Variants in CERKL observed in about 807,000 individuals in gnomAD.
The protein encoded by CERKL is CERK like autophagy regulator.
In CERKL, 61 loss-of-function variants were observed where a neutral mutation model predicts 63.4. The observed-to-expected ratio is 0.96, with a 90% CI of 0.78 to 1.19. CERKL has a LOEUF of 1.19. Ranked by LOEUF, CERKL falls within the 50% of genes most tolerant of loss-of-function variation. The pLI, the probability that CERKL is intolerant of heterozygous loss-of-function variation, is 0.00. For missense variants in CERKL, 675 were observed against 655.5 expected (o/e 1.03, Z -0.33); for synonymous variants, 250 against 230.5 (o/e 1.08, Z -0.77).
rs1364208893 is a variant in CERKL, at chr2:181,611,326, A to T, written c.239-7247T>A. Among the ~76,000 whole-genome samples the T allele has an allele frequency of 3.9e-5, 6 of 151,916 alleles. 1 individual carries two copies. Among genetic ancestry groups the T allele is most frequent in the Admixed American group, 3.3e-4 (5 of 15,254 alleles). ...ACAATAATGGAGTATTGGTTTTGTTAAAAAAAAGTATATTCATATAACAGA... is the reference window on the plus strand; with the variant it reads ...ACAATAATGGAGTATTGGTTTTGTTTAAAAAAAGTATATTCATATAACAGA... On this transcript the variant is annotated intron_variant, in intron 1 of 12. Transcript: ENST00000410087.
intron 3 of CERKL, among the ~76,000 whole-genome samples, chr2:181,572,100 T>C (rs1027370360): frequency 5.9e-5 from 9 of 152,062 alleles, no homozygotes; most frequent in Non-Finnish European, 1.3e-4. Flanking sequence ...CTCTCTCACA[T>C]ACACACACTC....
chr2:181,621,659 C>T (rs2053471), intron 1 of CERKL, among the ~76,000 whole-genome samples: 33,581 of 151,996 alleles, frequency 0.22, 6,715 homozygotes, highest in African/African-American at 0.54. Context: ...GAAGCCAAAA[C>T]TAAAGGTGAA....
intron 1 of CERKL, among the ~76,000 whole-genome samples, chr2:181,640,652 A>G (rs945860021): frequency 6.6e-6 from 1 of 152,214 alleles, no homozygotes; most frequent in Non-Finnish European, 1.5e-5. Flanking sequence ...GTACAAAAAC[A>G]TCCAGTCTAG....
At chr2:181,622,871 T>C (rs1268203168) in intron 1 of CERKL, among the ~76,000 whole-genome samples, 1 of 152,212 alleles carries the variant, frequency 6.6e-6, no homozygotes, top group African/African-American at 2.4e-5. Flanking sequence ...AGGAAAATGA[T>C]TTCTGGAAAC....
chr2:181,610,694 T>C (rs1050701878), intron 1 of CERKL, among the ~76,000 whole-genome samples: 2 of 152,138 alleles, frequency 1.3e-5, no homozygotes, highest in Non-Finnish European at 2.9e-5. Context: ...GAAATCCCAG[T>C]GGAAAACACA....
In CERKL at chr2:181,544,689, A is replaced by T. The variant is rs1687648509; in HGVS notation, c.1365+11T>A. Reference sequence around the variant, plus strand: ...GCTTTGCAAATAAGTAACAAAAAGAATTTACTATACCTGATTTTTTACACT... The same window carrying T: ...GCTTTGCAAATAAGTAACAAAAAGATTTTACTATACCTGATTTTTTACACT... On this transcript the variant is annotated intron_variant, in intron 11 of 12. Transcript: ENST00000410087. 6.6e-7 allele frequency: 1 copy of T among 1,519,370 alleles called. No homozygotes were observed. The highest frequency in any genetic ancestry group is 1.4e-5 in the African/African-American group (1 of 72,670). The allele number at this position is 1,519,370 out of a possible 1,614,324, so 94.1% of individuals were successfully genotyped here.
At chr2:181,567,022 T>A (rs976220469) in intron 3 of CERKL, among the ~76,000 whole-genome samples, 3 of 152,182 alleles carry the variant, frequency 2.0e-5, no homozygotes, top group Non-Finnish European at 4.4e-5. Flanking sequence ...TTCAAGCTTT[T>A]CCTACAATGT....
intron 1 of CERKL, among the ~76,000 whole-genome samples, chr2:181,637,355 C>A (rs963239796): frequency 1.3e-5 from 2 of 151,986 alleles, no homozygotes; most frequent in African/African-American, 4.8e-5. Flanking sequence ...CCACTATTTG[C>A]GATAACAAAA....
chr2:181,630,733 C>G (rs971240500), intron 1 of CERKL, among the ~76,000 whole-genome samples: 4 of 152,172 alleles, frequency 2.6e-5, no homozygotes, highest in Non-Finnish European at 5.9e-5. Flanking sequence ...CTGTTCAAGC[C>G]TCCCAGGCTG....
chr2:181,618,545 G>C (rs111686062), intron 1 of CERKL, among the ~76,000 whole-genome samples: 5,808 of 151,808 alleles, frequency 0.038, 342 homozygotes, highest in African/African-American at 0.13. Context: ...AGCCTCCTGA[G>C]TAGCTGGGAT....
intron 1 of CERKL, among the ~76,000 whole-genome samples, chr2:181,640,329 C>T (rs1193938659): frequency 3.9e-5 from 6 of 152,172 alleles, no homozygotes; most frequent in African/African-American, 1.2e-4. Context: ...ACCACACCCA[C>T]GTACACATGT....
Position 181,550,694 on chromosome 2 carries a change from G to A in CERKL, c.821-986C>T, listed in dbSNP as rs562454262. On this transcript the variant is annotated intron_variant, in intron 5 of 12. Transcript: ENST00000410087. This position sits in a 1 kb window ranked among gnomAD's most constrained non-coding sequence, Gnocchi z 4.5. ...TGATCATACATAATTGCTTCAATTT[G>A]TGTTACTTTGAACTGATATGTACTT... Among the ~76,000 whole-genome samples, 12 of 152,228 alleles carry A rather than the reference G, an allele frequency of 7.9e-5. No homozygotes were observed. The East Asian group carries it at 1.7e-3, about 22-fold the overall frequency.
chr2:181,650,105 G>GGAA, intron 1 of CERKL: 1 of 67,530 alleles, frequency 1.5e-5, no homozygotes. Context: ...GAGGGAGGGA[G>GGAA]GGAGGGAGGA....
intron 1 of CERKL, among the ~76,000 whole-genome samples, chr2:181,640,670 C>T (rs1687380785): frequency 6.6e-6 from 1 of 152,220 alleles, no homozygotes; most frequent in South Asian, 2.1e-4. Context: ...TAGGCAATAG[C>T]ATCTTCCTGC....
intron 5 of CERKL, among the ~76,000 whole-genome samples, chr2:181,554,371 TATC>T (rs948330753): frequency 1.1e-4 from 17 of 152,088 alleles, no homozygotes; most frequent in African/African-American, 3.4e-4. Context: ...TTGCCTGAAA[TATC>T]ATAGAAATTA....
chr2:181,570,000 G>A (rs1020171216), intron 3 of CERKL, among the ~76,000 whole-genome samples: 1 of 152,110 alleles, frequency 6.6e-6, no homozygotes, highest in Non-Finnish European at 1.5e-5. Context: ...GTGACCTTGG[G>A]CTGAATATTT....
intron 4 of CERKL, chr2:181,565,601 T>C: frequency 3.0e-6 from 3 of 1,006,942 alleles, no homozygotes; most frequent in Non-Finnish European, 4.6e-6. Flanking sequence ...ATTTATTTAC[T>C]TGTATTTATA....
At chr2:181,612,972 C>T (rs192955547) in intron 1 of CERKL, among the ~76,000 whole-genome samples, 10 of 152,258 alleles carry the variant, frequency 6.6e-5, no homozygotes, top group African/African-American at 2.4e-4. Flanking sequence ...AGCTAAGTAA[C>T]ATATTCATTA....
intron 1 of CERKL, among the ~76,000 whole-genome samples, chr2:181,620,672 T>C (rs906582860): frequency 1.3e-5 from 2 of 152,136 alleles, no homozygotes; most frequent in Non-Finnish European, 2.9e-5. Context: ...TAGAAGAGAT[T>C]CACCTAACAG....
Sources: allele counts gnomAD v4.1 joint callset (sites outside exome capture counted in the v4.1 genomes callset), GRCh38; gene constraint gnomAD v4.1.1; non-coding constraint Gnocchi (gnomAD v3.1); transcripts MANE v1.5; gene names NCBI Gene and HGNC (gene_info 2026-07-23, HGNC 2026-07-21).